UBXN7: variants seen among roughly 807,000 people sequenced by gnomAD.
UBXN7 encodes the protein UBX domain protein 7.
A neutral mutation model predicts 58.0 loss-of-function variants in UBXN7; 9 were observed. The ratio of observed to expected loss-of-function variants is 0.16; its 90% CI spans 0.09 to 0.27. UBXN7 has a LOEUF of 0.27. UBXN7 is among the 10% of genes least tolerant of loss of function. UBXN7 has a pLI of 1.00. For synonymous variants in UBXN7, 208 were observed against 205.0 expected (o/e 1.01, Z -0.12); for missense variants, 328 against 599.6 (o/e 0.55, Z 4.73).
intron 6 of UBXN7, among the ~76,000 whole-genome samples, chr3:196,370,916 C>T (rs1275693401): frequency 6.7e-6 from 1 of 150,206 alleles, no homozygotes; most frequent in Non-Finnish European, 1.5e-5. Flanking sequence ...GTGGTCCCAA[C>T]TACTCAAGAA....
At chr3:196,374,530 G>A (rs1201222878) in intron 5 of UBXN7, among the ~76,000 whole-genome samples, 1 of 151,914 alleles carries the variant, frequency 6.6e-6, no homozygotes, top group African/African-American at 2.4e-5. Flanking sequence ...ACTGCTAAAA[G>A]GAAGGGTGCA....
Position 196,348,671 on chromosome 3 carries a change from C to G in UBXN7, c.*8014G>C, listed in dbSNP as rs897229231. 1.3e-5 allele frequency: 2 copies of G among 152,126 alleles called. No individual in the cohort carries two copies. Among genetic ancestry groups the G allele is most frequent in the Non-Finnish European group, 2.9e-5 (2 of 68,034 alleles). The allele number at this position is 152,126 out of a possible 1,614,324, so 9.4% of individuals were successfully genotyped here. A position where few individuals can be genotyped will look rare whatever the true frequency, so the allele number is the denominator to read the frequency against. ...CCAACCCACCCTCATCATCCCTATCCCCCTAGAAATTTCATTCCTTGATTA... is the reference window on the plus strand; with the variant it reads ...CCAACCCACCCTCATCATCCCTATCGCCCTAGAAATTTCATTCCTTGATTA... On this transcript the variant is annotated 3_prime_UTR_variant, in exon 11 of 11. Transcript: ENST00000296328.
chr3:196,366,526 C>A (rs1223589136), intron 8 of UBXN7, among the ~76,000 whole-genome samples: 1 of 151,822 alleles, frequency 6.6e-6, no homozygotes, highest in Non-Finnish European at 1.5e-5. Context: ...CATGCCACTG[C>A]AGTCCAGCCT....
chr3:196,409,643 A>C (rs1211854817), intron 1 of UBXN7, among the ~76,000 whole-genome samples: 4 of 152,178 alleles, frequency 2.6e-5, no homozygotes, highest in African/African-American at 9.7e-5. Context: ...GAGAAATGTG[A>C]CTGTAACAAT....
chr3:196,403,018 C>T lies in UBXN7; in HGVS notation c.223G>A (p.Glu75Lys), dbSNP rs889523164. ...TGAGGAATTGGGGCACGAACTTCTT[C>T]TCTATTAAAAAAAAATGGGAAAATA... ...SVSTVRPHTE[E>K]EVRAPIPQKQ... The change falls in exon 3 of 11, where the codon GAA (glutamate) becomes AAA (lysine). Residue 75 changes from glutamate (E) to lysine (K), a missense_variant and splice_region_variant. Around this residue, in one of 4 missense-constraint regions of UBXN7, gnomAD observed 106 missense variants for 124.3 expected, o/e 0.85. Transcript: ENST00000296328. 5.0e-6 allele frequency: 8 copies of T among 1,587,670 alleles called. No individual in the cohort carries two copies. In the African/African-American group the frequency reaches 9.6e-5, roughly 19 times the overall value.
chr3:196,378,500 CAGCCCAA>C (rs1434702258), intron 5 of UBXN7, among the ~76,000 whole-genome samples: 8 of 152,200 alleles, frequency 5.3e-5, no homozygotes, highest in African/African-American at 1.9e-4. Context: ...ATAGGCAGAG[CAGCCCAA>C]GGGCTGCTGG....
Position 196,412,108 on chromosome 3 carries a change from T to C in UBXN7, c.74-4715A>G, listed in dbSNP as rs144094518. Among the ~76,000 whole-genome samples, 640 of 150,400 alleles carry C rather than the reference T, an allele frequency of 4.3e-3. 20 individuals carry two copies. In the South Asian group the frequency reaches 0.075, roughly 18 times the overall value. On this transcript the variant is annotated intron_variant, in intron 1 of 10. Transcript: ENST00000296328. ...GCCAGGCGTGGTGGCAGGTGCCTAA[T>C]AGCTCCCAGCTATTAGGGAGGCTGA...
At chr3:196,374,973 G>GGGAAGGAA (rs1413657178) in intron 5 of UBXN7, among the ~76,000 whole-genome samples, 24 of 28,402 alleles carry the variant, frequency 8.5e-4, no homozygotes, top group East Asian at 3.0e-3. Context: ...AAAGGAAGGA[G>GGGAAGGAA]GGAAGGAAGG....
intron 6 of UBXN7, among the ~76,000 whole-genome samples, chr3:196,370,003 G>A (rs1349330473): frequency 6.6e-6 from 1 of 151,856 alleles, no homozygotes; most frequent in Admixed American, 6.6e-5. Flanking sequence ...GGTGACAGGC[G>A]CTTGTAGTCC....
At chr3:196,369,365 T>C in intron 7 of UBXN7, 56 bp downstream of exon 7, 2 of 1,289,856 alleles carry the variant, frequency 1.6e-6, no homozygotes, top group Non-Finnish European at 2.2e-6. Context: ...ATCAATCATT[T>C]AGGTAACTGA....
At chr3:196,427,995 G>A (rs558744493) in intron 1 of UBXN7, among the ~76,000 whole-genome samples, 1 of 152,192 alleles carries the variant, frequency 6.6e-6, no homozygotes, top group East Asian at 1.9e-4. Flanking sequence ...ATGGTGGCTT[G>A]AGCCTGTAAT....
intron 1 of UBXN7, among the ~76,000 whole-genome samples, chr3:196,430,907 A>T (rs114698164): frequency 6.6e-6 from 1 of 152,112 alleles, no homozygotes; most frequent in Non-Finnish European, 1.5e-5. Flanking sequence ...TCAATAATCC[A>T]ATCACAAAGT....
intron 3 of UBXN7, among the ~76,000 whole-genome samples, chr3:196,395,063 G>A (rs1045572690): frequency 6.6e-6 from 1 of 152,064 alleles, no homozygotes; most frequent in Non-Finnish European, 1.5e-5. Flanking sequence ...ATAAATAAAG[G>A]CTTTTCATGA....
chr3:196,401,282 T>C (rs796872980), intron 3 of UBXN7, among the ~76,000 whole-genome samples: 2 of 42,410 alleles, frequency 4.7e-5, no homozygotes, highest in Non-Finnish European at 8.4e-5. Context: ...AAAATATATA[T>C]ATATATATAT....
chr3:196,407,539 T>A, intron 1 of UBXN7, 146 bp from the exon 2 acceptor site: 2 of 1,204,666 alleles, frequency 1.7e-6, no homozygotes, highest in Non-Finnish European at 2.2e-6. Flanking sequence ...TACACAGAGC[T>A]AGAAAAAAAT....
At chr3:196,384,006 C>T (rs2108840733) in intron 5 of UBXN7, among the ~76,000 whole-genome samples, 1 of 152,150 alleles carries the variant, frequency 6.6e-6, no homozygotes, top group African/African-American at 2.4e-5. Context: ...TCAATGAATC[C>T]AAGAGCTGGT....
At chr3:196,387,808 G>A (rs1458661511) in intron 5 of UBXN7, among the ~76,000 whole-genome samples, 2 of 152,178 alleles carry the variant, frequency 1.3e-5, no homozygotes, top group Non-Finnish European at 2.9e-5. Context: ...TGCTGGAGAG[G>A]ATGTAGAGAA....
intron 3 of UBXN7, among the ~76,000 whole-genome samples, chr3:196,401,804 G>GA (rs1553853039): frequency 1.7e-5 from 1 of 58,584 alleles, no homozygotes; most frequent in Non-Finnish European, 3.8e-5. Context: ...AGAAAGGAAA[G>GA]AAAGAAAAGA....
At chr3:196,363,349 C>T (rs555554253) in intron 8 of UBXN7, among the ~76,000 whole-genome samples, 20 of 151,644 alleles carry the variant, frequency 1.3e-4, no homozygotes, top group Admixed American at 7.2e-4. Flanking sequence ...AGTAAGCATA[C>T]GCATTTTTTT....
Sources: allele counts gnomAD v4.1 joint callset (sites outside exome capture counted in the v4.1 genomes callset), GRCh38; gene constraint gnomAD v4.1.1; regional missense constraint gnomAD v4.1.1; transcripts MANE v1.5; gene names NCBI Gene and HGNC (gene_info 2026-07-23, HGNC 2026-07-21).